The following BMERB1 variants were observed in gnomAD, a reference collection of about 807,000 sequenced individuals.
BMERB1 encodes bMERB domain-containing protein 1.
BMERB1 carries 12 observed loss-of-function variants against 23.6 expected under a neutral mutation model. That is an observed-to-expected ratio of 0.51 (90% CI 0.33 to 0.82). The LOEUF is 0.82. BMERB1 is among the 40% of genes least tolerant of loss of function. The probability of loss-of-function intolerance (pLI) is 0.03; values close to 1 mark genes in which losing one functional copy is unlikely to be tolerated. For missense variants in BMERB1, 247 were observed against 255.4 expected, an observed-to-expected ratio of 0.97 and a Z score of 0.22; for synonymous variants, 122 against 96.6, an observed-to-expected ratio of 1.26 and a Z score of -1.54.
At position 15,581,263 on chromosome 16, in the gene BMERB1, C is replaced by T. The variant is rs543366351; in HGVS notation, c.351C>T (p.Ile117=). 3 of 1,614,018 alleles carry T rather than the reference C, an allele frequency of 1.9e-6. No individual in the cohort carries two copies. Among genetic ancestry groups the T allele is most frequent in the African/African-American group, 2.7e-5 (2 of 75,052 alleles). ...AGAAGCAGAGAGAGGATGAGCTAAT[C>T]CAGAAGATCCACAAACTGGTGCAGA... ...KLQKQREDEL[I]QKIHKLVQKR... Residue 117 remains isoleucine, a synonymous_variant, in exon 4 of 6, where the codon ATC becomes ATT. Coordinates refer to ENST00000300006, the MANE Select transcript of BMERB1 (RefSeq NM_033201.3).
At chr16:15,439,046 G>A (rs1447417573) in intron 1 of BMERB1, among the ~76,000 whole-genome samples, 1 of 152,200 alleles carries the variant, frequency 6.6e-6, no homozygotes, top group Non-Finnish European at 1.5e-5. Flanking sequence ...CTGAGTAGGT[G>A]TAAATTAAAC....
intron 2 of BMERB1, among the ~76,000 whole-genome samples, chr16:15,563,253 A>G (rs980923257): frequency 6.6e-6 from 1 of 151,998 alleles, no homozygotes; most frequent in Non-Finnish European, 1.5e-5. Flanking sequence ...TTTGGGACGG[A>G]GACTCGCTCT....
intron 2 of BMERB1, among the ~76,000 whole-genome samples, chr16:15,532,429 C>T (rs2051976927): frequency 6.6e-6 from 1 of 151,924 alleles, no homozygotes; most frequent in African/African-American, 2.4e-5. Context: ...CGGGTTTCAC[C>T]ATATTGGCCG....
intron 1 of BMERB1, among the ~76,000 whole-genome samples, chr16:15,459,978 A>G (rs2051121294): frequency 6.6e-6 from 1 of 151,988 alleles, no homozygotes; most frequent in Non-Finnish European, 1.5e-5. Context: ...TTCTTGCCAT[A>G]CCTCATTCCT....
At chr16:15,524,796 T>C in intron 2 of BMERB1, among the ~76,000 whole-genome samples, 1 of 152,110 alleles carries the variant, frequency 6.6e-6, no homozygotes, top group Non-Finnish European at 1.5e-5. Flanking sequence ...ATCAAATAAA[T>C]GTTCTGTACT....
intron 3 of BMERB1, among the ~76,000 whole-genome samples, chr16:15,574,157 G>T (rs1323016013): frequency 6.6e-6 from 1 of 151,794 alleles, no homozygotes; most frequent in Non-Finnish European, 1.5e-5. Flanking sequence ...TCTTCACAAG[G>T]TGACAGGAAG....
intron 1 of BMERB1, among the ~76,000 whole-genome samples, chr16:15,476,672 T>G (rs1567461116): frequency 6.6e-6 from 1 of 152,050 alleles, no homozygotes; most frequent in East Asian, 1.9e-4. Context: ...AGAGTCATGG[T>G]GAGTAGCCTC....
chr16:15,528,374 C>T (rs1479351819), intron 2 of BMERB1, among the ~76,000 whole-genome samples: 1 of 152,102 alleles, frequency 6.6e-6, no homozygotes, highest in Non-Finnish European at 1.5e-5. Flanking sequence ...TCCTAATGGC[C>T]CTCACCCCTT....
chr16:15,515,700 G>GGGAATGCA (rs1258114489), intron 2 of BMERB1, among the ~76,000 whole-genome samples: 6 of 152,186 alleles, frequency 3.9e-5, no homozygotes, highest in African/African-American at 1.4e-4. Context: ...AAAGAGGGAA[G>GGGAATGCA]GGAATGCAGA....
At chr16:15,556,365 G>GCCTGTTTGATTCTCATACAAC (rs2030259027) in intron 2 of BMERB1, among the ~76,000 whole-genome samples, 1 of 152,014 alleles carries the variant, frequency 6.6e-6, no homozygotes. Context: ...ACACACACAA[G>GCCTGTTTGATTCTCATACAAC]CCTGTTTGAT....
At chr16:15,534,478 C>A (rs1248531302) in intron 2 of BMERB1, among the ~76,000 whole-genome samples, 1 of 151,630 alleles carries the variant, frequency 6.6e-6, no homozygotes, top group Admixed American at 6.6e-5. Context: ...CCCTTGAACC[C>A]GGGAGGAAGA....
chr16:15,581,348 T>G lies in BMERB1; in HGVS notation c.419+17T>G. The G allele has an allele frequency of 6.2e-7, 1 of 1,600,648 alleles. No individual in the cohort carries two copies. ...GCGGTTAAGGTGAGTGCACTGCGGG[T>G]ACCCGATCACTGGGCTGCAGGACAG... On this transcript the variant is annotated intron_variant, in intron 4 of 5. Coordinates refer to ENST00000300006, the MANE Select transcript of BMERB1 (RefSeq NM_033201.3).
intron 1 of BMERB1, among the ~76,000 whole-genome samples, chr16:15,511,574 A>C (rs1372136421): frequency 6.6e-6 from 1 of 152,212 alleles, no homozygotes; most frequent in Non-Finnish European, 1.5e-5. Context: ...GAAAATATAA[A>C]AGAAGCACAC....
chr16:15,557,931 G>C (rs368044256), intron 2 of BMERB1, among the ~76,000 whole-genome samples: 1 of 152,116 alleles, frequency 6.6e-6, no homozygotes, highest in Non-Finnish European at 1.5e-5. Context: ...TGTAATCCCA[G>C]CTACTCGGGA....
intron 2 of BMERB1, among the ~76,000 whole-genome samples, chr16:15,565,064 A>AG (rs1417113407): frequency 1.3e-5 from 2 of 152,046 alleles, no homozygotes; most frequent in African/African-American, 4.8e-5. Context: ...AAAAAAAAAA[A>AG]AAGCACTCAG....
At chr16:15,481,091 G>A (rs1449285802) in intron 1 of BMERB1, among the ~76,000 whole-genome samples, 1 of 152,068 alleles carries the variant, frequency 6.6e-6, no homozygotes, top group Non-Finnish European at 1.5e-5. Context: ...ATATTATGTA[G>A]CTATTTGGAA....
intron 2 of BMERB1, among the ~76,000 whole-genome samples, chr16:15,553,818 T>G (rs562581465): frequency 6.6e-6 from 1 of 152,288 alleles, no homozygotes; most frequent in African/African-American, 2.4e-5. Flanking sequence ...ATTCCTTGGA[T>G]CGTCTTAGAC....
intron 5 of BMERB1, chr16:15,584,099 T>C: frequency 1.4e-6 from 1 of 701,002 alleles, no homozygotes; most frequent in Non-Finnish European, 2.6e-6. Context: ...TGAAATAAGT[T>C]TGAGAAATGC....
chr16:15,575,466 C>T (rs2030834684), intron 3 of BMERB1, among the ~76,000 whole-genome samples: 1 of 152,156 alleles, frequency 6.6e-6, no homozygotes, highest in Admixed American at 6.5e-5. Flanking sequence ...TCAAGATTTT[C>T]CTTTATTTCC....
Sources: allele counts gnomAD v4.1 joint callset (sites outside exome capture counted in the v4.1 genomes callset), GRCh38; gene constraint gnomAD v4.1.1; transcripts MANE v1.5; gene names NCBI Gene and HGNC (gene_info 2026-07-23, HGNC 2026-07-21).